Variants in RRBP1 observed in about 807,000 individuals in gnomAD.
RRBP1 encodes the protein ribosome binding protein 1, also known as ribosome-binding protein 1.
RRBP1 carries 94 observed loss-of-function variants against 165.2 expected under a neutral mutation model. That is an observed-to-expected ratio of 0.57 (90% CI 0.48 to 0.68). The LOEUF is 0.68. Ranked by LOEUF, RRBP1 falls within the 30% of genes least tolerant of loss-of-function variation. The pLI is 0.00. For synonymous variants in RRBP1, 680 were observed against 714.5 expected, an observed-to-expected ratio of 0.95 and a Z score of 0.77; for missense variants, 1,676 against 1,763.0, an observed-to-expected ratio of 0.95 and a Z score of 0.88.
Position 17,635,551 on chromosome 20 carries a change from C to T in RRBP1, c.2451G>A (p.Glu817=), listed in dbSNP as rs778300025. 1.4e-5 allele frequency: 23 copies of T among 1,607,914 alleles called. No individual in the cohort carries two copies. In the African/African-American group the frequency reaches 2.3e-4, roughly 16 times the overall value. The part of the protein sequence containing the change: ...DALNQATSQV[E]SKQNAELAKL... Reference sequence around the variant, plus strand: ...GGCAGGAAAGCTCAGCTTACTTGCTCTCCACCTGGCTCGTGGCCTGGTTCA... The same window carrying T: ...GGCAGGAAAGCTCAGCTTACTTGCTTTCCACCTGGCTCGTGGCCTGGTTCA... Residue 817 remains glutamate, a synonymous_variant, in exon 7 of 25, where the codon GAG becomes GAA. Coordinates refer to ENST00000377813, the MANE Select transcript of RRBP1 (RefSeq NM_001365613.2).
rs201963267 is a variant in RRBP1 at position 17,629,481 on chromosome 20, AG to A, written c.2749+341del. Reference sequence around the variant, plus strand: ...GTTCATCCACAGCCACTGCGGACCCAGGCTTGGGAGGGAAGCAGTGCCTTCC... The same window carrying A: ...GTTCATCCACAGCCACTGCGGACCCAGCTTGGGAGGGAAGCAGTGCCTTCC... On this transcript the variant is annotated intron_variant, in intron 9 of 24. Transcript: ENST00000377813. 7.3e-3 allele frequency among the ~76,000 whole-genome samples: 1,117 copies of A among 152,240 alleles called. 19 individuals are homozygous for A. Among genetic ancestry groups the A allele is most frequent in the East Asian group, 0.052 (269 of 5,170 alleles).
intron 2 of RRBP1, among the ~76,000 whole-genome samples, chr20:17,675,058 G>A (rs1025131159): frequency 1.3e-5 from 2 of 152,232 alleles, no homozygotes; most frequent in African/African-American, 4.8e-5. Context: ...GAGACACTGG[G>A]ATGAATCTAA....
Position 17,658,656 on chromosome 20 carries a change from C to T in RRBP1, c.1852G>A (p.Ala618Thr), listed in dbSNP as rs1568780827. Residue 618 changes from alanine to threonine, a missense_variant, in exon 3 of 25, where the codon GCA (alanine) becomes ACA (threonine). Ala to Thr is a moderately conservative substitution (Grantham distance 58). Transcript: ENST00000377813. ...RNTDVAQSPE[A>T]PKQEAPAKKK... ...TTGGCAGGAGCCTCTTGCTTTGGTG[C>T]CTCTGGGCTCTGGGCCACATCTGTA... is the stretch of plus-strand genomic sequence containing the variant. The T allele has an allele frequency of 1.4e-5, 22 of 1,614,090 alleles. No homozygotes were observed. The highest frequency in any genetic ancestry group is 1.9e-5 in the Non-Finnish European group (22 of 1,179,988).
At chr20:17,662,425 C>A (rs2036783391) in intron 2 of RRBP1, among the ~76,000 whole-genome samples, 1 of 152,186 alleles carries the variant, frequency 6.6e-6, no homozygotes, top group Admixed American at 6.5e-5. Context: ...GCTGCTGTGG[C>A]AACACACTTC....
chr20:17,658,613 T>C lies in RRBP1; in HGVS notation c.1895A>G (p.Lys632Arg). The change falls in exon 3 of 25, where the codon AAG becomes AGG. Residue 632 changes from lysine (K) to arginine (R), a missense_variant. Physicochemically the swap from Lys to Arg is conservative, Grantham distance 26. Around this residue, in one of 5 missense-constraint regions of RRBP1, gnomAD observed 1,184 missense variants for 1,167.1 expected, o/e 1.01. Coordinates refer to ENST00000377813, the MANE Select transcript of RRBP1 (RefSeq NM_001365613.2). ...EAPAKKKSGS[K>R]KKGEPGPPDA... ...TTACTTACCAGGCTCACCTTTTTTC[T>C]TTGAACCAGACTTCTTCTTGGCAGG... 1 of 1,593,750 alleles carries C rather than the reference T, an allele frequency of 6.3e-7. No homozygotes were observed. The highest frequency in any genetic ancestry group is 8.5e-7 in the Non-Finnish European group (1 of 1,172,160).
At chr20:17,658,096 T>G (rs905783208) in intron 3 of RRBP1, among the ~76,000 whole-genome samples, 1 of 152,200 alleles carries the variant, frequency 6.6e-6, no homozygotes, top group African/African-American at 2.4e-5. Context: ...GTTTAAGACA[T>G]GCCAAGACAC....
Position 17,658,915 on chromosome 20 carries a change from T to G in RRBP1, c.1593A>C (p.Glu531Asp). Residue 531 changes from glutamate (E) to aspartate (D), a missense_variant, in exon 3 of 25, where the codon GAA becomes GAC. This residue lies in a region of RRBP1 where 1,184 missense variants were observed against 1,167.1 expected (regional missense o/e 1.01). Transcript: ENST00000377813. ...KTEGAQGKKAERSPNQGKKGE... is the reference protein window; with the variant it reads ...KTEGAQGKKADRSPNQGKKGE... ...CTTTTTTGCCTTGGTTGGGACTCCT[T>G]TCTGCCTTTTTGCCCTGAGCCCCTT... is the stretch of plus-strand genomic sequence containing the variant. 1 of 1,613,080 alleles carries G rather than the reference T, an allele frequency of 6.2e-7. No individual in the cohort carries two copies. The highest frequency in any genetic ancestry group is 8.5e-7 in the Non-Finnish European group (1 of 1,179,840).
chr20:17,614,285 T>TG, intron 24 of RRBP1, 65 bp from the exon 25 acceptor site: 1 of 1,515,834 alleles, frequency 6.6e-7, no homozygotes, highest in Non-Finnish European at 9.1e-7. Context: ...CCACCTGCCC[T>TG]CTACCCTGGG....
At chr20:17,627,453 C>T (rs2036049139) in intron 10 of RRBP1, 51 bp downstream of exon 10, 7 of 1,609,534 alleles carry the variant, frequency 4.3e-6, no homozygotes, top group Non-Finnish European at 5.1e-6. Flanking sequence ...GTCCACCCAC[C>T]TGCTAGATGG....
At chr20:17,642,056 C>G in intron 4 of RRBP1, 137 bp from the exon 5 acceptor site, 7 of 989,578 alleles carry the variant, frequency 7.1e-6, no homozygotes, top group Non-Finnish European at 1.0e-5. Flanking sequence ...ACTGGGACTC[C>G]AGATACTTGT....
intron 2 of RRBP1, among the ~76,000 whole-genome samples, chr20:17,678,564 TACC>T (rs993767645): frequency 7.2e-5 from 11 of 152,218 alleles, no homozygotes; most frequent in African/African-American, 2.7e-4. Context: ...TTCAACATAT[TACC>T]ACATGATCAA....
intron 3 of RRBP1, among the ~76,000 whole-genome samples, chr20:17,656,047 C>CCAGGATCCT (rs2036639770): frequency 6.6e-6 from 1 of 152,212 alleles, no homozygotes; most frequent in Non-Finnish European, 1.5e-5. Flanking sequence ...GGGGACGTCT[C>CCAGGATCCT]CAGGATCCTC....
At chr20:17,680,639 G>A (rs6044949) in intron 1 of RRBP1, among the ~76,000 whole-genome samples, 2 of 152,078 alleles carry the variant, frequency 1.3e-5, no homozygotes, top group African/African-American at 4.8e-5. Context: ...GCTGTCTTCA[G>A]GCCACAGATA....
rs1295790629 is a variant in RRBP1, at chr20:17,643,592, C to A, written c.1913-465G>T. Among the ~76,000 whole-genome samples, 2 of 152,104 alleles carry A rather than the reference C, an allele frequency of 1.3e-5. No individual in the cohort carries two copies. ...CCTGACTGGGCAGCGAATTTACCGT[C>A]CACCACACACAGACACCCAGAGCCA... On this transcript the variant is annotated intron_variant, in intron 3 of 24. Transcript: ENST00000377813. This position sits in a 1 kb window ranked among gnomAD's most constrained non-coding sequence, Gnocchi z 4.3.
At chr20:17,640,030 T>C (rs921282903) in intron 5 of RRBP1, among the ~76,000 whole-genome samples, 5 of 151,552 alleles carry the variant, frequency 3.3e-5, no homozygotes, top group Admixed American at 1.3e-4. Context: ...AAGAAGACAA[T>C]GTAAAATACT....
At chr20:17,671,843 T>C (rs1393357261) in intron 2 of RRBP1, among the ~76,000 whole-genome samples, 2 of 152,210 alleles carry the variant, frequency 1.3e-5, no homozygotes, top group Non-Finnish European at 2.9e-5. Context: ...GTATTTTTAA[T>C]GTCATTTACC....
chr20:17,614,314 A>T, intron 24 of RRBP1, 94 bp from the exon 25 acceptor site: 1 of 1,229,540 alleles, frequency 8.1e-7, no homozygotes, highest in Non-Finnish European at 1.2e-6. Flanking sequence ...CCCTCCCTGG[A>T]TTGACCCCCT....
In RRBP1 at chr20:17,627,386, G is replaced by A. The variant is rs376673377; in HGVS notation, c.2929-4C>T. 3 of 1,613,840 alleles carry A rather than the reference G, an allele frequency of 1.9e-6. No individual in the cohort carries two copies. The highest frequency in any genetic ancestry group is 1.3e-5 in the African/African-American group (1 of 74,924). ...GGTCAGCCTCCGCCTGGCTGGCCTGGAATGAGAGACAAAAGCTCCTTGGTC... is the reference window on the plus strand; with the variant it reads ...GGTCAGCCTCCGCCTGGCTGGCCTGAAATGAGAGACAAAAGCTCCTTGGTC... On this transcript the variant is annotated splice_polypyrimidine_tract_variant and splice_region_variant and intron_variant, in intron 10 of 24. Coordinates refer to ENST00000377813, the MANE Select transcript of RRBP1 (RefSeq NM_001365613.2).
intron 2 of RRBP1, among the ~76,000 whole-genome samples, chr20:17,663,255 T>A (rs1456772864): frequency 1.3e-5 from 2 of 152,232 alleles, no homozygotes; most frequent in African/African-American, 4.8e-5. Flanking sequence ...TGCAGCCTTG[T>A]GGTTTCCAAC....
Sources: gnomAD v4.1 joint callset for allele counts (sites outside exome capture counted in the v4.1 genomes callset) on GRCh38, gnomAD v4.1.1 for gene constraint, gnomAD v4.1.1 regional missense constraint, Gnocchi (gnomAD v3.1) non-coding constraint, MANE v1.5 for transcripts, NCBI Gene and HGNC (gene_info 2026-07-23, HGNC 2026-07-21) for gene names.